SNTG1: variants seen among roughly 807,000 people sequenced by gnomAD.
SNTG1 encodes gamma-1-syntrophin.
SNTG1 carries 39 observed loss-of-function variants against 74.7 expected under a neutral mutation model. The ratio of observed to expected loss-of-function variants is 0.52; its 90% confidence interval spans 0.40 to 0.68. The LOEUF (loss-of-function observed/expected upper bound fraction) is 0.68. SNTG1 is among the 30% of genes least tolerant of loss of function. The probability of loss-of-function intolerance (pLI) is 0.00; values close to 1 mark genes in which losing one functional copy is unlikely to be tolerated. For missense variants in SNTG1, 685 were observed against 609.5 expected (o/e 1.12, Z -1.30); for synonymous variants, 254 against 217.1 (o/e 1.17, Z -1.49).
At chr8:50,392,290 C>T (rs1346646856) in intron 2 of SNTG1, among the ~76,000 whole-genome samples, 1 of 152,162 alleles carries the variant, frequency 6.6e-6, no homozygotes, top group Non-Finnish European at 1.5e-5. Context: ...GGCAGCATCT[C>T]CTTTAAACAT....
At chr8:50,213,873 G>T (rs1423252067) in intron 2 of SNTG1, among the ~76,000 whole-genome samples, 2 of 151,644 alleles carry the variant, frequency 1.3e-5, no homozygotes, top group Non-Finnish European at 2.9e-5. Flanking sequence ...CTCCCATTTT[G>T]TAGGTTGCCT....
At chr8:50,498,364 T>C (rs2093922332) in intron 8 of SNTG1, among the ~76,000 whole-genome samples, 1 of 151,994 alleles carries the variant, frequency 6.6e-6, no homozygotes, top group Admixed American at 6.5e-5. Context: ...TGCTATTATG[T>C]TAAGCATATT....
chr8:50,504,188 T>A (rs1290258038), intron 9 of SNTG1, among the ~76,000 whole-genome samples: 2 of 152,330 alleles, frequency 1.3e-5, no homozygotes, highest in East Asian at 3.9e-4. Flanking sequence ...TTCTTTTTTA[T>A]GGTGACATAG....
At chr8:50,349,792 C>T (rs1460914045) in intron 2 of SNTG1, among the ~76,000 whole-genome samples, 2 of 152,218 alleles carry the variant, frequency 1.3e-5, no homozygotes, top group East Asian at 1.9e-4. Flanking sequence ...CTCAGCACCT[C>T]CTCTGCCTGG....
chr8:50,151,637 A>G (rs997502695), intron 1 of SNTG1, among the ~76,000 whole-genome samples: 5 of 152,154 alleles, frequency 3.3e-5, no homozygotes, highest in Admixed American at 6.6e-5. Context: ...TTCAAAGAAC[A>G]TCTTTATTTC....
At chr8:50,353,171 C>T (rs1257854478) in intron 2 of SNTG1, among the ~76,000 whole-genome samples, 1 of 147,864 alleles carries the variant, frequency 6.8e-6, no homozygotes, top group Non-Finnish European at 1.5e-5. Context: ...AACCAAACGC[C>T]AGATGTTCTC....
At chr8:50,320,427 G>T (rs1045557831) in intron 2 of SNTG1, among the ~76,000 whole-genome samples, 1 of 151,766 alleles carries the variant, frequency 6.6e-6, no homozygotes, top group Non-Finnish European at 1.5e-5. Context: ...TCTGACTACA[G>T]ATTTGACAAT....
intron 17 of SNTG1, among the ~76,000 whole-genome samples, chr8:50,727,826 T>C (rs1182366284): frequency 2.6e-5 from 4 of 152,194 alleles, no homozygotes; most frequent in Non-Finnish European, 4.4e-5. Flanking sequence ...AAAGTGACAA[T>C]GGCAGCATAA....
chr8:50,448,735 A>G (rs1169191121), intron 5 of SNTG1, among the ~76,000 whole-genome samples: 2 of 152,132 alleles, frequency 1.3e-5, no homozygotes, highest in Non-Finnish European at 2.9e-5. Flanking sequence ...TAGTCAACTA[A>G]TAAATAGTAC....
At chr8:49,922,339 AACC>A (rs1169080079) in intron 1 of SNTG1, among the ~76,000 whole-genome samples, 1 of 152,104 alleles carries the variant, frequency 6.6e-6, no homozygotes, top group Non-Finnish European at 1.5e-5. Flanking sequence ...AAGTTTTCTA[AACC>A]ACTAGTGGGC....
At position 50,615,088 on chromosome 8, in the gene SNTG1, G is replaced by A. The variant is rs183388463; in HGVS notation, c.849+24171G>A. Among the ~76,000 whole-genome samples, 220 of 151,706 alleles carry A rather than the reference G, an allele frequency of 1.5e-3. 2 individuals carry two copies. Among genetic ancestry groups the A allele is most frequent in the Middle Eastern group, 0.01 (3 of 294 alleles). ...CTCCCGAGTAGCTAGGACTACCCGCGCCTGACACCATGCCCAGCTAATTTT... is the reference window on the plus strand; with the variant it reads ...CTCCCGAGTAGCTAGGACTACCCGCACCTGACACCATGCCCAGCTAATTTT... On this transcript the variant is annotated intron_variant, in intron 13 of 18. Coordinates refer to ENST00000642720, the MANE Select transcript of SNTG1 (RefSeq NM_018967.5).
intron 13 of SNTG1, among the ~76,000 whole-genome samples, chr8:50,627,155 GC>G (rs1440962007): frequency 6.6e-6 from 1 of 152,068 alleles, no homozygotes; most frequent in African/African-American, 2.4e-5. Context: ...AGGCATGACT[GC>G]CATTGCTCAT....
At chr8:50,730,957 C>CA (rs1349528693) in intron 17 of SNTG1, among the ~76,000 whole-genome samples, 1 of 152,158 alleles carries the variant, frequency 6.6e-6, no homozygotes, top group African/African-American at 2.4e-5. Context: ...CCCCTTTTTA[C>CA]ACTCACCTTT....
chr8:50,662,210 C>A (rs1476145589), intron 15 of SNTG1, among the ~76,000 whole-genome samples: 1 of 152,162 alleles, frequency 6.6e-6, no homozygotes, highest in Admixed American at 6.5e-5. Flanking sequence ...TAGACTTCTG[C>A]CTCCAGAAAA....
At chr8:50,715,001 A>G (rs2131574316) in intron 17 of SNTG1, among the ~76,000 whole-genome samples, 1 of 152,284 alleles carries the variant, frequency 6.6e-6, no homozygotes, top group East Asian at 1.9e-4. Context: ...CCTCCATTTT[A>G]TGTTTTTGTT....
chr8:49,959,880 A>T (rs745927000), intron 1 of SNTG1, among the ~76,000 whole-genome samples: 5 of 152,226 alleles, frequency 3.3e-5, no homozygotes, highest in Non-Finnish European at 7.3e-5. Context: ...ACTGAAGTCC[A>T]TTTGAATCCT....
intron 17 of SNTG1, 47 bp downstream of exon 17, chr8:50,709,025 A>T (rs1404996268): frequency 1.0e-5 from 14 of 1,349,686 alleles, no homozygotes; most frequent in Non-Finnish European, 1.5e-5. Flanking sequence ...AAACATTCTA[A>T]TTGAAGAATG....
At chr8:50,787,755 A>T (rs2095679725) in intron 18 of SNTG1, among the ~76,000 whole-genome samples, 1 of 152,034 alleles carries the variant, frequency 6.6e-6, no homozygotes. Context: ...AAAATATCTT[A>T]TGTGTATGAT....
At chr8:50,319,006 T>TAC (rs760851343) in intron 2 of SNTG1, among the ~76,000 whole-genome samples, 3 of 151,888 alleles carry the variant, frequency 2.0e-5, no homozygotes, top group Non-Finnish European at 4.4e-5. Flanking sequence ...TGTGTGTATA[T>TAC]ACACACAGAA....
Sources: gnomAD v4.1 joint callset for allele counts (sites outside exome capture counted in the v4.1 genomes callset) on GRCh38, gnomAD v4.1.1 for gene constraint, MANE v1.5 for transcripts, NCBI Gene and HGNC (gene_info 2026-07-23, HGNC 2026-07-21) for gene names.